The following KCMF1 variants were observed in gnomAD, a reference collection of about 807,000 sequenced individuals.
The protein encoded by KCMF1 is E3 ubiquitin-protein ligase KCMF1.
In KCMF1, 3 loss-of-function variants were observed where a neutral mutation model predicts 41.1. The ratio of observed to expected loss-of-function variants is 0.07; its 90% CI spans 0.03 to 0.19. The LOEUF is 0.19. Among genes scored for constraint, KCMF1 ranks in the 10% least tolerant of loss-of-function variants. KCMF1 has a pLI of 1.00. For missense variants in KCMF1, 286 were observed against 488.9 expected, an observed-to-expected ratio of 0.58 and a Z score of 3.91; for synonymous variants, 142 against 164.5, an observed-to-expected ratio of 0.86 and a Z score of 1.04.
Position 85,034,611 on chromosome 2 carries a change from G to A in KCMF1, c.185-405G>A, listed in dbSNP as rs1375207212. 2.6e-5 allele frequency among the ~76,000 whole-genome samples: 4 copies of A among 152,206 alleles called. No homozygotes were observed. The South Asian group carries it at 6.2e-4, about 24-fold the overall frequency. On this transcript the variant is annotated intron_variant, in intron 2 of 6. Transcript: ENST00000409785. ...ATAAGGATATTACAAATGTAAACAG[G>A]TACCTAAGCACTCCTTGATCACGTG...
chr2:85,001,312 C>T (rs138930473), intron 1 of KCMF1, among the ~76,000 whole-genome samples: 173 of 151,846 alleles, frequency 1.1e-3, no homozygotes, highest in African/African-American at 3.8e-3. Flanking sequence ...CGTATACCAC[C>T]ATGCCCAGCT....
chr2:85,003,416 T>A (rs1368200256), intron 1 of KCMF1, among the ~76,000 whole-genome samples: 1 of 151,862 alleles, frequency 6.6e-6, no homozygotes, highest in Non-Finnish European at 1.5e-5. Flanking sequence ...AGGCATAGCT[T>A]GCAGTGAGCC....
chr2:85,046,381 G>A, intron 5 of KCMF1, 103 bp downstream of exon 5: 1 of 849,306 alleles, frequency 1.2e-6, no homozygotes, highest in Non-Finnish European at 1.8e-6. Flanking sequence ...TTTAATCCCA[G>A]CACTCTGGGA....
chr2:85,045,432 C>T (rs534743382), intron 4 of KCMF1, among the ~76,000 whole-genome samples: 8 of 152,230 alleles, frequency 5.3e-5, no homozygotes, highest in African/African-American at 1.7e-4. Context: ...AGCTGAAAAA[C>T]TGAGAAGCCA....
chr2:85,036,354 A>C (rs1303796042), intron 3 of KCMF1, among the ~76,000 whole-genome samples: 2 of 152,206 alleles, frequency 1.3e-5, no homozygotes, highest in Non-Finnish European at 1.5e-5. Context: ...TACAGTATGA[A>C]GAATCCTAAC....
chr2:85,006,867 C>T (rs551153097), intron 1 of KCMF1, among the ~76,000 whole-genome samples: 6 of 151,658 alleles, frequency 4.0e-5, no homozygotes, highest in Non-Finnish European at 8.8e-5. Context: ...CCAGCACTTA[C>T]GGAGGCCAAG....
chr2:84,976,669 T>C (rs1197468274), intron 1 of KCMF1, among the ~76,000 whole-genome samples: 2 of 151,786 alleles, frequency 1.3e-5, no homozygotes, highest in Non-Finnish European at 2.9e-5. Flanking sequence ...AGATTTCAAG[T>C]AGAGTCCTTA....
intron 1 of KCMF1, among the ~76,000 whole-genome samples, chr2:84,992,401 G>A (rs1241230442): frequency 4.0e-5 from 6 of 151,776 alleles, no homozygotes; most frequent in Admixed American, 6.6e-5. Flanking sequence ...GACTACAGAC[G>A]CACGCCACCA....
intron 1 of KCMF1, among the ~76,000 whole-genome samples, chr2:85,001,536 G>A (rs1184728649): frequency 6.6e-6 from 1 of 152,148 alleles, no homozygotes; most frequent in Non-Finnish European, 1.5e-5. Context: ...AGAAAATCCT[G>A]TTGGGATGCT....
At chr2:85,023,036 C>T (rs887074874) in intron 1 of KCMF1, among the ~76,000 whole-genome samples, 11 of 151,876 alleles carry the variant, frequency 7.2e-5, no homozygotes, top group African/African-American at 2.2e-4. Context: ...TACAGGCGGC[C>T]GCCATCACGC....
At chr2:85,015,095 A>G (rs1333050947) in intron 1 of KCMF1, among the ~76,000 whole-genome samples, 1 of 146,572 alleles carries the variant, frequency 6.8e-6, no homozygotes, top group Non-Finnish European at 1.5e-5. Context: ...CGGAGGTTGC[A>G]GTGAGCCGAG....
At chr2:85,042,166 A>G (rs373591976) in intron 3 of KCMF1, among the ~76,000 whole-genome samples, 6 of 152,294 alleles carry the variant, frequency 3.9e-5, no homozygotes, top group East Asian at 1.9e-4. Flanking sequence ...CTTAAATGTT[A>G]TTTCTCATGA....
At chr2:85,053,055 T>C in intron 6 of KCMF1, 93 bp from the exon 7 acceptor site, 1 of 1,205,928 alleles carries the variant, frequency 8.3e-7, no homozygotes, top group East Asian at 2.6e-5. Context: ...TTGCCACCTG[T>C]AAAACTTCAC....
chr2:85,039,894 C>T (rs1276226002), intron 3 of KCMF1, among the ~76,000 whole-genome samples: 1 of 152,086 alleles, frequency 6.6e-6, no homozygotes, highest in Admixed American at 6.5e-5. Flanking sequence ...CTCACTGCAA[C>T]CTCTGCCTCC....
intron 1 of KCMF1, among the ~76,000 whole-genome samples, chr2:84,993,887 T>G (rs1028856461): frequency 6.7e-6 from 1 of 149,552 alleles, no homozygotes; most frequent in Non-Finnish European, 1.5e-5. Flanking sequence ...ACCCCCCATT[T>G]TTGAGTTTGA....
intron 1 of KCMF1, among the ~76,000 whole-genome samples, chr2:84,982,251 G>A (rs565113148): frequency 3.6e-4 from 55 of 152,242 alleles, no homozygotes; most frequent in Admixed American, 1.7e-3. Flanking sequence ...TGTTCCACCA[G>A]TATTCTCCTT....
At chr2:85,013,506 T>G (rs1674695588) in intron 1 of KCMF1, among the ~76,000 whole-genome samples, 1 of 152,064 alleles carries the variant, frequency 6.6e-6, no homozygotes, top group African/African-American at 2.4e-5. Context: ...AAAGTCAGTA[T>G]AAGAGTGTTT....
chr2:85,031,833 A>G (rs746680159), intron 2 of KCMF1, among the ~76,000 whole-genome samples: 4 of 151,794 alleles, frequency 2.6e-5, no homozygotes, highest in Non-Finnish European at 5.9e-5. Flanking sequence ...TCTCAATCTC[A>G]GGCTCAAGTG....
chr2:85,030,941 G>A (rs2127078), intron 2 of KCMF1, among the ~76,000 whole-genome samples: 37,064 of 151,990 alleles, frequency 0.24, 5,381 homozygotes, highest in Non-Finnish European at 0.33. Context: ...AAAGTGATCT[G>A]CCTGCCTCAG....
Sources: gnomAD v4.1 joint callset for allele counts (sites outside exome capture counted in the v4.1 genomes callset) on GRCh38, gnomAD v4.1.1 for gene constraint, MANE v1.5 for transcripts, NCBI Gene and HGNC (gene_info 2026-07-23, HGNC 2026-07-21) for gene names.